MEI4: variants seen among roughly 807,000 people sequenced by gnomAD.
The protein encoded by MEI4 is meiotic double-stranded break formation protein 4, also known as meiosis-specific protein MEI4.
Under a neutral mutation model 31.4 loss-of-function variants are expected in MEI4, and 27 were observed. The ratio of observed to expected loss-of-function variants is 0.86; its 90% CI spans 0.63 to 1.19. MEI4 has a LOEUF of 1.19. MEI4 is among the 50% of genes most tolerant of loss of function. The pLI is 0.00. For missense variants in MEI4, 329 were observed against 398.9 expected (o/e 0.82, Z 1.49); for synonymous variants, 122 against 145.4 (o/e 0.84, Z 1.16).
At chr6:77,697,429 C>G (rs1375750517) in intron 2 of MEI4, among the ~76,000 whole-genome samples, 3 of 152,302 alleles carry the variant, frequency 2.0e-5, no homozygotes, top group South Asian at 2.1e-4. Context: ...CCTCTACACA[C>G]TGCTTTGAAT....
At chr6:77,867,003 G>A (rs1450095201) in intron 4 of MEI4, among the ~76,000 whole-genome samples, 2 of 152,166 alleles carry the variant, frequency 1.3e-5, no homozygotes, top group East Asian at 3.9e-4. Context: ...ATGATGCTGG[G>A]AACACTGGCT....
At position 77,841,314 on chromosome 6, in the gene MEI4, C is replaced by CATATATATATATAT. The variant is rs1315994932; in HGVS notation, c.900+12259_900+12272dup. On this transcript the variant is annotated intron_variant, in intron 4 of 4. Transcript: ENST00000684080. ...TACTGAGAAAGGTTACAAATGTGTGCATATATATATATATATATATTTTTT... is the reference window on the plus strand; with the variant it reads ...TACTGAGAAAGGTTACAAATGTGTGCATATATATATATATATATATATATATATATATATTTTTT... Among the ~76,000 whole-genome samples the CATATATATATATAT allele has an allele frequency of 3.7e-3, 192 of 51,854 alleles. 4 individuals carry two copies. The highest frequency in any genetic ancestry group is 4.2e-3 in the Non-Finnish European group (137 of 32,988). The allele number at this position is 51,854 out of a possible 152,430, so 34.0% of individuals were successfully genotyped here.
intron 4 of MEI4, among the ~76,000 whole-genome samples, chr6:77,897,622 A>G (rs1167488439): frequency 6.6e-6 from 1 of 152,014 alleles, no homozygotes; most frequent in Non-Finnish European, 1.5e-5. Context: ...AAATACTAAC[A>G]GTTTTAGAAC....
intron 3 of MEI4, among the ~76,000 whole-genome samples, chr6:77,783,409 C>G (rs1000232829): frequency 2.6e-5 from 4 of 152,148 alleles, no homozygotes; most frequent in Admixed American, 1.3e-4. Context: ...TTAATAAAAA[C>G]CATGAAAAAT....
chr6:77,738,932 G>A (rs1185388152), intron 2 of MEI4, among the ~76,000 whole-genome samples: 2 of 152,072 alleles, frequency 1.3e-5, no homozygotes, highest in African/African-American at 4.8e-5. Context: ...ACTTTTTGAT[G>A]GGGTTGTTTT....
chr6:77,727,597 A>G (rs183890631), intron 2 of MEI4, among the ~76,000 whole-genome samples: 3 of 152,318 alleles, frequency 2.0e-5, no homozygotes, highest in African/African-American at 4.8e-5. Flanking sequence ...CCTCTGTTTC[A>G]TAGAAAGCAA....
intron 4 of MEI4, among the ~76,000 whole-genome samples, chr6:77,845,929 A>G (rs1770472824): frequency 6.6e-6 from 1 of 150,558 alleles, no homozygotes; most frequent in South Asian, 2.1e-4. Context: ...TTTAAAAATT[A>G]TGTCTTTGAA....
intron 4 of MEI4, among the ~76,000 whole-genome samples, chr6:77,886,134 C>T (rs1227486310): frequency 4.6e-5 from 7 of 151,758 alleles, no homozygotes; most frequent in Non-Finnish European, 7.4e-5. Flanking sequence ...TTTAATTGTT[C>T]CCTTATCTGT....
intron 4 of MEI4, among the ~76,000 whole-genome samples, chr6:77,846,698 G>A (rs951801594): frequency 6.6e-6 from 1 of 152,196 alleles, no homozygotes; most frequent in East Asian, 1.9e-4. Context: ...CTGCTGGAGA[G>A]CAGGTTGTGG....
intron 2 of MEI4, among the ~76,000 whole-genome samples, chr6:77,696,654 G>C (rs1442600864): frequency 6.6e-6 from 1 of 151,536 alleles, no homozygotes; most frequent in Non-Finnish European, 1.5e-5. Flanking sequence ...ATGTGCTGCT[G>C]GATTTGGTTT....
At chr6:77,744,056 G>T (rs1767505328) in intron 2 of MEI4, among the ~76,000 whole-genome samples, 2 of 152,156 alleles carry the variant, frequency 1.3e-5, no homozygotes, top group Admixed American at 6.6e-5. Flanking sequence ...CTAAAAAGCA[G>T]AGCACCTCTC....
At chr6:77,841,333 A>ATATATATATATTTTT in intron 4 of MEI4, among the ~76,000 whole-genome samples, 8 of 27,730 alleles carry the variant, frequency 2.9e-4, no homozygotes, top group Admixed American at 5.9e-4. Flanking sequence ...ATATATATAT[A>ATATATATATATTTTT]TTTTTTTTTT....
intron 3 of MEI4, among the ~76,000 whole-genome samples, chr6:77,773,739 T>C (rs539335265): frequency 6.6e-6 from 1 of 152,012 alleles, no homozygotes; most frequent in East Asian, 1.9e-4. Context: ...ACCCACAGAA[T>C]GGGAGGAAAT....
intron 3 of MEI4, among the ~76,000 whole-genome samples, chr6:77,807,840 T>C (rs1230192729): frequency 1.3e-5 from 2 of 152,186 alleles, no homozygotes; most frequent in Non-Finnish European, 2.9e-5. Flanking sequence ...CACCAAAGGC[T>C]GCAGAGTACT....
At chr6:77,735,145 A>T (rs12204315) in intron 2 of MEI4, among the ~76,000 whole-genome samples, 51 of 151,300 alleles carry the variant, frequency 3.4e-4, no homozygotes, top group Admixed American at 2.0e-3. Flanking sequence ...TATCTTTGTG[A>T]CATTCTCTGT....
chr6:77,838,763 G>T (rs935922807), intron 4 of MEI4, among the ~76,000 whole-genome samples: 1 of 151,974 alleles, frequency 6.6e-6, no homozygotes, highest in African/African-American at 2.4e-5. Flanking sequence ...AATTAGCTGG[G>T]TGTGGTGGTG....
At chr6:77,883,114 A>G (rs951271468) in intron 4 of MEI4, among the ~76,000 whole-genome samples, 6 of 152,154 alleles carry the variant, frequency 3.9e-5, no homozygotes, top group East Asian at 1.9e-4. Flanking sequence ...CTCAGAATAC[A>G]TGGTATTAGT....
chr6:77,843,224 G>C (rs185777319), intron 4 of MEI4, among the ~76,000 whole-genome samples: 11 of 151,958 alleles, frequency 7.2e-5, no homozygotes, highest in African/African-American at 2.2e-4. Context: ...AGACTTACTT[G>C]AGAGAAGCAG....
At chr6:77,835,512 G>C (rs1770199825) in intron 4 of MEI4, among the ~76,000 whole-genome samples, 1 of 151,340 alleles carries the variant, frequency 6.6e-6, no homozygotes, top group Non-Finnish European at 1.5e-5. Flanking sequence ...CAATCTCATG[G>C]TACCAAGTAA....
Sources: gnomAD v4.1 joint callset for allele counts (sites outside exome capture counted in the v4.1 genomes callset) on GRCh38, gnomAD v4.1.1 for gene constraint, MANE v1.5 for transcripts, NCBI Gene and HGNC (gene_info 2026-07-23, HGNC 2026-07-21) for gene names.